Variants in DLC1 observed in about 807,000 individuals in gnomAD.
DLC1 encodes the protein rho GTPase-activating protein 7.
In DLC1, 54 loss-of-function variants were observed where a neutral mutation model predicts 140.3. The observed-to-expected ratio is 0.38, with a 90% CI of 0.31 to 0.48. The LOEUF is 0.48. Ranked by LOEUF, DLC1 falls within the 20% of genes least tolerant of loss-of-function variation. The pLI, the probability that DLC1 is intolerant of heterozygous loss-of-function variation, is 0.96. For missense variants in DLC1, 2,536 were observed against 1,907.0 expected, an observed-to-expected ratio of 1.33 and a Z score of -6.14; for synonymous variants, 986 against 728.1, an observed-to-expected ratio of 1.35 and a Z score of -5.70.
intron 2 of DLC1, among the ~76,000 whole-genome samples, chr8:13,446,940 C>G (rs952560553): frequency 1.4e-5 from 2 of 142,622 alleles, no homozygotes; most frequent in African/African-American, 5.4e-5. Context: ...GAAACTCCAT[C>G]TCAAAAAAAA....
chr8:13,531,902 C>A (rs1803111756), intron 1 of DLC1, among the ~76,000 whole-genome samples: 1 of 152,142 alleles, frequency 6.6e-6, no homozygotes, highest in African/African-American at 2.4e-5. Context: ...TTATTTCTCC[C>A]ACTTTAAAAA....
intron 4 of DLC1, among the ~76,000 whole-genome samples, chr8:13,312,386 A>AAAAAAAAAATAATAATAAT (rs71207139): frequency 4.9e-5 from 4 of 81,680 alleles, no homozygotes; most frequent in Admixed American, 1.5e-4. Context: ...AAAAAAAAAA[A>AAAAAAAAAATAATAATAAT]AATAATTTCT....
chr8:13,083,652 T>C lies in DLC1; in HGVS notation c.*2159A>G, dbSNP rs928742947. On this transcript the variant is annotated 3_prime_UTR_variant, in exon 18 of 18. Coordinates refer to ENST00000276297, the MANE Select transcript of DLC1 (RefSeq NM_182643.3). ...TCTGCTTGCAAGCATCTTTCTGCTG[T>C]TGCACGTTGTCGTCATCCTCTCAGC... 3 of 152,778 alleles carry C rather than the reference T, an allele frequency of 2.0e-5. No homozygotes were observed. The highest frequency in any genetic ancestry group is 3.9e-4 in the East Asian group (2 of 5,188). 9.5% of individuals were successfully genotyped at this position (152,778 alleles called of 1,614,324 possible). A position where few individuals can be genotyped will look rare whatever the true frequency, so the allele number is the denominator to read the frequency against.
intron 5 of DLC1, among the ~76,000 whole-genome samples, chr8:13,127,254 A>G (rs1392075859): frequency 6.6e-6 from 1 of 152,230 alleles, no homozygotes; most frequent in African/African-American, 2.4e-5. Flanking sequence ...TCCTACAAAC[A>G]ACTTAAGACC....
At chr8:13,496,426 A>G (rs920370434) in intron 2 of DLC1, among the ~76,000 whole-genome samples, 88 of 152,280 alleles carry the variant, frequency 5.8e-4, no homozygotes, top group Non-Finnish European at 7.1e-4. Flanking sequence ...TAAAGATTAT[A>G]TGGGGTAAAA....
intron 5 of DLC1, among the ~76,000 whole-genome samples, chr8:13,229,353 G>A (rs1038843731): frequency 3.3e-5 from 5 of 152,140 alleles, no homozygotes; most frequent in Non-Finnish European, 5.9e-5. Flanking sequence ...CATATCCTCT[G>A]ATTCCATTTA....
At chr8:13,566,914 G>A (rs1363566084) in intron 1 of DLC1, 2 of 1,447,510 alleles carry the variant, frequency 1.4e-6, no homozygotes, top group Non-Finnish European at 1.8e-6. Context: ...CATTCCCGGA[G>A]GGGTCAGCTC....
At chr8:13,546,564 C>G (rs1803655200) in intron 1 of DLC1, among the ~76,000 whole-genome samples, 1 of 152,104 alleles carries the variant, frequency 6.6e-6, no homozygotes, top group Non-Finnish European at 1.5e-5. Flanking sequence ...ACTGGTTTAT[C>G]CATGAATCAC....
At chr8:13,539,969 C>T (rs1803429409) in intron 1 of DLC1, among the ~76,000 whole-genome samples, 1 of 152,258 alleles carries the variant, frequency 6.6e-6, no homozygotes, top group Non-Finnish European at 1.5e-5. Context: ...GAGACGTTAT[C>T]AAATTGACAC....
intron 2 of DLC1, among the ~76,000 whole-genome samples, chr8:13,417,177 C>A (rs1838105701): frequency 1.3e-5 from 2 of 152,084 alleles, no homozygotes; most frequent in South Asian, 4.1e-4. Flanking sequence ...AGGGAACAAA[C>A]TGATGGGCAC....
At chr8:13,180,253 C>G (rs113266694) in intron 5 of DLC1, among the ~76,000 whole-genome samples, 278 of 152,296 alleles carry the variant, frequency 1.8e-3, no homozygotes, top group African/African-American at 6.2e-3. Flanking sequence ...AAAGCATTTA[C>G]TCCATTACTT....
intron 4 of DLC1, among the ~76,000 whole-genome samples, chr8:13,345,441 A>G (rs1834284275): frequency 6.6e-6 from 1 of 150,950 alleles, no homozygotes; most frequent in Non-Finnish European, 1.5e-5. Context: ...GGAGGGAAGG[A>G]GCCAGGAGCC....
intron 5 of DLC1, among the ~76,000 whole-genome samples, chr8:13,251,757 G>T (rs890821712): frequency 6.6e-6 from 1 of 151,992 alleles, no homozygotes; most frequent in Admixed American, 6.6e-5. Flanking sequence ...CTTTAAAATG[G>T]GGGATAATCC....
intron 2 of DLC1, among the ~76,000 whole-genome samples, chr8:13,465,105 T>C (rs908620101): frequency 2.0e-5 from 3 of 152,176 alleles, no homozygotes; most frequent in Admixed American, 2.0e-4. Context: ...CTGTATGATA[T>C]GCCATTGTAT....
intron 5 of DLC1, among the ~76,000 whole-genome samples, chr8:13,119,514 C>T (rs868263682): frequency 6.6e-6 from 1 of 152,170 alleles, no homozygotes; most frequent in Admixed American, 6.5e-5. Context: ...TTACTGAGTG[C>T]TTAATACGCA....
chr8:13,591,797 T>C (rs1358603098), intron 1 of DLC1, among the ~76,000 whole-genome samples: 2 of 152,238 alleles, frequency 1.3e-5, no homozygotes, highest in East Asian at 3.9e-4. Flanking sequence ...TCCACAGTGA[T>C]AAATAGATTT....
intron 2 of DLC1, among the ~76,000 whole-genome samples, chr8:13,406,800 A>G (rs1837584749): frequency 6.6e-6 from 1 of 152,200 alleles, no homozygotes; most frequent in Admixed American, 6.5e-5. Flanking sequence ...AAAGCAGACT[A>G]AGAATTTAGT....
intron 5 of DLC1, among the ~76,000 whole-genome samples, chr8:13,149,286 T>G (rs975969565): frequency 7.2e-5 from 11 of 152,120 alleles, no homozygotes; most frequent in African/African-American, 2.7e-4. Flanking sequence ...ATATATGAGC[T>G]CTGTTCTTTT....
intron 5 of DLC1, among the ~76,000 whole-genome samples, chr8:13,266,617 T>A (rs1053139189): frequency 2.6e-5 from 4 of 151,902 alleles, no homozygotes; most frequent in African/African-American, 7.3e-5. Context: ...TGGTGGCAGG[T>A]GCCTGTAGTC....
Sources: allele counts gnomAD v4.1 joint callset (sites outside exome capture counted in the v4.1 genomes callset), GRCh38; gene constraint gnomAD v4.1.1; transcripts MANE v1.5; gene names NCBI Gene and HGNC (gene_info 2026-07-23, HGNC 2026-07-21).